Variants in SRGAP3 observed in about 807,000 individuals in gnomAD.
The protein encoded by SRGAP3 is SLIT-ROBO Rho GTPase activating protein 3.
SRGAP3 carries 39 observed loss-of-function variants against 121.1 expected under a neutral mutation model. The observed-to-expected ratio is 0.32, with a 90% CI of 0.25 to 0.42. SRGAP3 has a LOEUF of 0.42. Among genes scored for constraint, SRGAP3 ranks in the 10% least tolerant of loss-of-function variants. The pLI is 1.00. For missense variants in SRGAP3, 1,213 were observed against 1,470.6 expected, an observed-to-expected ratio of 0.82 and a Z score of 2.86; for synonymous variants, 601 against 570.0, an observed-to-expected ratio of 1.05 and a Z score of -0.77.
rs150054590 is a variant in SRGAP3 at position 9,087,879 on chromosome 3, G to C, written c.424-7792C>G. On this transcript the variant is annotated intron_variant, in intron 3 of 21. Coordinates refer to ENST00000383836, the MANE Select transcript of SRGAP3 (RefSeq NM_014850.4). ...TTGTATCTCTTCCCCAGGACTGTAA[G>C]CCGCCAGAGGGAACCAGCCCAGGCC... is the stretch of plus-strand genomic sequence containing the variant. Among the ~76,000 whole-genome samples, 391 of 152,238 alleles carry C rather than the reference G, an allele frequency of 2.6e-3. 2 individuals are homozygous for C. Among genetic ancestry groups the C allele is most frequent in the Non-Finnish European group, 4.7e-3 (319 of 68,000 alleles).
At chr3:9,143,110 G>T (rs141558362) in intron 1 of SRGAP3, among the ~76,000 whole-genome samples, 21 of 152,170 alleles carry the variant, frequency 1.4e-4, no homozygotes, top group Non-Finnish European at 2.4e-4. Flanking sequence ...AAACTGCTGG[G>T]ATTACAGTCA....
At chr3:9,027,148 C>A (rs532310362) in intron 12 of SRGAP3, among the ~76,000 whole-genome samples, 153 bp from the exon 13 acceptor site, 2 of 152,158 alleles carry the variant, frequency 1.3e-5, no homozygotes. Context: ...AAAGTCTCCA[C>A]GGACAGTTAC....
chr3:9,289,609 G>A (rs533968737), intron 3 of SRGAP3, among the ~76,000 whole-genome samples: 1 of 152,240 alleles, frequency 6.6e-6, no homozygotes, highest in Admixed American at 6.5e-5. Flanking sequence ...AACCAGCCCC[G>A]ATGTTCAAGA....
At position 9,020,640 on chromosome 3, in the gene SRGAP3, T is replaced by G. The variant is rs76559208; in HGVS notation, c.1678+4621A>C. Among the ~76,000 whole-genome samples, 451 of 152,292 alleles carry G rather than the reference T, an allele frequency of 3.0e-3. 1 individual carries two copies. The highest frequency in any genetic ancestry group is 0.01 in the African/African-American group (434 of 41,564). On this transcript the variant is annotated intron_variant, in intron 14 of 21. Transcript: ENST00000383836. ...TACACACGCCATTAGTTCTTGCCATTCCTCCTGCAAGGCTCTCAGTCCATA... is the reference window on the plus strand; with the variant it reads ...TACACACGCCATTAGTTCTTGCCATGCCTCCTGCAAGGCTCTCAGTCCATA...
At chr3:9,008,429 A>C (rs1432827725) in intron 18 of SRGAP3, 1 of 150,048 alleles carries the variant, frequency 6.7e-6, no homozygotes, top group Non-Finnish European at 1.5e-5. Context: ...AAGGAGAGGA[A>C]ATGACAGGAG....
chr3:9,009,552 T>C (rs920900324), intron 18 of SRGAP3, among the ~76,000 whole-genome samples: 1 of 152,248 alleles, frequency 6.6e-6, no homozygotes, highest in African/African-American at 2.4e-5. Flanking sequence ...TAAAACATTT[T>C]AGTGGACCTC....
chr3:9,053,161 C>T lies in SRGAP3; in HGVS notation c.1189G>A (p.Asp397Asn). ...CTGTGTTGGAAGGCATCGGAGACAT[C>T]AAAGTCCTCCACAGTCAGCATGTCC... ...LQDMLTVEDF[D>N]VSDAFQHSRS... Residue 397 changes from aspartate (D) to asparagine (N), a missense_variant, in exon 9 of 22, where the codon GAT becomes AAT. Asp to Asn is a conservative substitution (Grantham distance 23). Coordinates refer to ENST00000383836, the MANE Select transcript of SRGAP3 (RefSeq NM_014850.4). 6.2e-7 allele frequency: 1 copy of T among 1,614,196 alleles called. No individual in the cohort carries two copies. Among genetic ancestry groups the T allele is most frequent in the East Asian group, 2.2e-5 (1 of 44,886 alleles).
Position 9,015,645 on chromosome 3 carries a change from T to G in SRGAP3, c.1765A>C (p.Asn589His), listed in dbSNP as rs767503844. ...AACCTTTCCTTAGGAAAGAGTGGGT[T>G]TTCCAGTCCTCGGAAATACAGTTTT... Reference protein sequence around the residue: ...VLKLYFRGLENPLFPKERFQD... With the variant: ...VLKLYFRGLEHPLFPKERFQD... Residue 589 changes from asparagine (N) to histidine (H), a missense_variant, in exon 15 of 22, where the codon AAC becomes CAC. By Grantham distance (68) the Asn-to-His change is moderately conservative (BLOSUM62 1). Transcript: ENST00000383836. The G allele has an allele frequency of 6.2e-7, 1 of 1,613,884 alleles. No individual in the cohort carries two copies. The highest frequency in any genetic ancestry group is 8.5e-7 in the Non-Finnish European group (1 of 1,179,946).
At chr3:9,360,423 C>T (rs2030734485) in intron 1 of SRGAP3, among the ~76,000 whole-genome samples, 1 of 152,214 alleles carries the variant, frequency 6.6e-6, no homozygotes, top group Non-Finnish European at 1.5e-5. Context: ...CATCCTAAGT[C>T]AGAAAGCATC....
At chr3:9,142,026 C>T (rs939479535) in intron 1 of SRGAP3, among the ~76,000 whole-genome samples, 5 of 152,326 alleles carry the variant, frequency 3.3e-5, no homozygotes, top group Admixed American at 2.0e-4. Context: ...CACATACCCT[C>T]GATCCAGTAA....
At chr3:9,331,636 A>G (rs547713334) in intron 1 of SRGAP3, among the ~76,000 whole-genome samples, 3 of 152,350 alleles carry the variant, frequency 2.0e-5, no homozygotes, top group South Asian at 4.1e-4. Flanking sequence ...CCATTCCTCA[A>G]ATCTGAGTTG....
chr3:9,026,846 C>A lies in SRGAP3; in HGVS notation c.1600+89G>T, dbSNP rs550236230. The A allele has an allele frequency of 9.4e-4, 1,372 of 1,458,602 alleles. 4 individuals carry two copies. The highest frequency in any genetic ancestry group is 6.4e-3 in the Middle Eastern group (37 of 5,804). The allele number at this position is 1,458,602 out of a possible 1,614,324, so 90.4% of individuals were successfully genotyped here. ...AGCAGAGCTGTGACGGGAAGTCTTCCAGGACAAATTAGAATCTCATTTCCT... is the reference window on the plus strand; with the variant it reads ...AGCAGAGCTGTGACGGGAAGTCTTCAAGGACAAATTAGAATCTCATTTCCT... On this transcript the variant is annotated intron_variant, in intron 13 of 21. Coordinates refer to ENST00000383836, the MANE Select transcript of SRGAP3 (RefSeq NM_014850.4).
intron 3 of SRGAP3, among the ~76,000 whole-genome samples, chr3:9,093,672 C>G (rs1476906454): frequency 1.3e-5 from 2 of 152,174 alleles, no homozygotes; most frequent in African/African-American, 4.8e-5. Flanking sequence ...TTATCTTTCA[C>G]CACTAATATG....
At chr3:9,147,836 C>T (rs1406869583) in intron 1 of SRGAP3, among the ~76,000 whole-genome samples, 1 of 152,142 alleles carries the variant, frequency 6.6e-6, no homozygotes, top group African/African-American at 2.4e-5. Flanking sequence ...GCCACTAAAG[C>T]AGATGACATG....
At position 8,983,660 on chromosome 3, in the gene SRGAP3, C is replaced by T. The variant is rs1941536164; in HGVS notation, c.*1859G>A. On this transcript the variant is annotated 3_prime_UTR_variant, in exon 22 of 22. Transcript: ENST00000383836. The stretch of plus-strand genomic sequence containing the variant: ...CATTGGGAGGTTTCAAAAAGAAGGG[C>T]TGGAGGGCTCTGATCTAAGACTTAC... 3 of 231,596 alleles carry T rather than the reference C, an allele frequency of 1.3e-5. No individual in the cohort carries two copies. Among genetic ancestry groups the T allele is most frequent in the Non-Finnish European group, 2.6e-5 (3 of 117,104 alleles). The allele number at this position is 231,596 out of a possible 1,614,324, so 14.3% of individuals were successfully genotyped here.
At chr3:9,042,300 T>C (rs550025529) in intron 10 of SRGAP3, among the ~76,000 whole-genome samples, 3 of 152,162 alleles carry the variant, frequency 2.0e-5, no homozygotes, top group Non-Finnish European at 4.4e-5. Flanking sequence ...CAATTCAGAC[T>C]AGCCATGTTT....
chr3:9,112,419 A>G (rs557484969), intron 2 of SRGAP3, among the ~76,000 whole-genome samples: 6 of 152,362 alleles, frequency 3.9e-5, no homozygotes, highest in African/African-American at 1.2e-4. Context: ...AATTCAGCCA[A>G]TAGTAAGTGT....
At chr3:9,331,576 A>C (rs891960575) in intron 1 of SRGAP3, among the ~76,000 whole-genome samples, 4 of 152,186 alleles carry the variant, frequency 2.6e-5, no homozygotes, top group African/African-American at 7.2e-5. Context: ...GTAGACTAAA[A>C]AGACTTGGCC....
At chr3:9,240,899 G>C (rs537667225) in intron 1 of SRGAP3, among the ~76,000 whole-genome samples, 2 of 152,140 alleles carry the variant, frequency 1.3e-5, no homozygotes, top group Non-Finnish European at 2.9e-5. Flanking sequence ...CTGACACACC[G>C]CGGTGGCATC....
Sources: allele counts gnomAD v4.1 joint callset (sites outside exome capture counted in the v4.1 genomes callset), GRCh38; gene constraint gnomAD v4.1.1; transcripts MANE v1.5; gene names NCBI Gene and HGNC (gene_info 2026-07-23, HGNC 2026-07-21).